Variants in THSD4 observed in about 807,000 individuals in gnomAD.
The protein encoded by THSD4 is thrombospondin type 1 domain containing 4.
In THSD4, 69 loss-of-function variants were observed where a neutral mutation model predicts 119.0. The observed-to-expected ratio is 0.58, with a 90% CI of 0.48 to 0.71. The LOEUF is 0.71. Among genes scored for constraint, THSD4 ranks in the 30% least tolerant of loss-of-function variants. The pLI, the probability that THSD4 is intolerant of heterozygous loss-of-function variation, is 0.00. For missense variants in THSD4, 1,393 were observed against 1,391.1 expected (o/e 1.00, Z -0.02); for synonymous variants, 524 against 540.4 (o/e 0.97, Z 0.42).
At chr15:71,648,243 G>A (rs1316360119) in intron 7 of THSD4, among the ~76,000 whole-genome samples, 12 of 152,186 alleles carry the variant, frequency 7.9e-5, no homozygotes, top group South Asian at 6.2e-4. Context: ...AAGGTGCCAA[G>A]CACATGGTGA....
intron 6 of THSD4, among the ~76,000 whole-genome samples, chr15:71,337,259 T>C (rs557225304): frequency 1.3e-5 from 2 of 152,082 alleles, no homozygotes; most frequent in East Asian, 3.9e-4. Flanking sequence ...GGGTCTAGAG[T>C]GGCCCCACCT....
intron 6 of THSD4, among the ~76,000 whole-genome samples, chr15:71,292,160 G>A (rs1217038739): frequency 6.6e-6 from 1 of 152,214 alleles, no homozygotes; most frequent in Non-Finnish European, 1.5e-5. Context: ...CATTCTGCTT[G>A]TGGTAAGACC....
chr15:71,645,595 C>T (rs2050953164), intron 7 of THSD4, among the ~76,000 whole-genome samples: 1 of 152,146 alleles, frequency 6.6e-6, no homozygotes, highest in Admixed American at 6.6e-5. Context: ...AATCGAAGAA[C>T]ATTCTGGAGG....
At chr15:71,554,649 G>C (rs1421824991) in intron 7 of THSD4, among the ~76,000 whole-genome samples, 1 of 151,888 alleles carries the variant, frequency 6.6e-6, no homozygotes, top group Non-Finnish European at 1.5e-5. Context: ...TCCCACCTCA[G>C]ACTCCCCAAC....
intron 8 of THSD4, among the ~76,000 whole-genome samples, chr15:71,697,725 A>C (rs1328817039): frequency 6.6e-6 from 1 of 152,206 alleles, no homozygotes; most frequent in Non-Finnish European, 1.5e-5. Context: ...GGATTTTGAA[A>C]ATTTATGGTG....
At chr15:71,110,722 C>T (rs1283733306), upstream of THSD4, 2 of 180,946 alleles carry the variant, frequency 1.1e-5, no homozygotes, top group African/African-American at 4.7e-5. Context: ...TGGAGAGTCC[C>T]CTGCCTTCCT....
chr15:71,560,004 C>G (rs910135659), intron 7 of THSD4, among the ~76,000 whole-genome samples: 1 of 151,850 alleles, frequency 6.6e-6, no homozygotes, highest in Admixed American at 6.6e-5. Flanking sequence ...TTTTTTCCTC[C>G]CTATTGTCTT....
At chr15:71,331,868 C>T (rs1445921543) in intron 6 of THSD4, among the ~76,000 whole-genome samples, 1 of 146,582 alleles carries the variant, frequency 6.8e-6, no homozygotes, top group African/African-American at 2.5e-5. Context: ...TGAACTTCAG[C>T]TTTTTCATCT....
chr15:71,252,241 A>G (rs2044267061), intron 5 of THSD4, among the ~76,000 whole-genome samples: 1 of 152,208 alleles, frequency 6.6e-6, no homozygotes, highest in Non-Finnish European at 1.5e-5. Context: ...TGTACAGACA[A>G]TTACTGATAA....
At chr15:71,141,215 A>G (rs1185228175) in intron 1 of THSD4, among the ~76,000 whole-genome samples, 1 of 152,188 alleles carries the variant, frequency 6.6e-6, no homozygotes. Context: ...GATCGTTCTG[A>G]TAGTAATTTA....
At chr15:71,306,545 G>C (rs553864975) in intron 6 of THSD4, among the ~76,000 whole-genome samples, 1 of 152,064 alleles carries the variant, frequency 6.6e-6, no homozygotes, top group Non-Finnish European at 1.5e-5. Context: ...ATGAAAAAAG[G>C]GTTTGGAAAG....
At chr15:71,244,407 G>A (rs1433048418) in intron 5 of THSD4, among the ~76,000 whole-genome samples, 3 of 152,098 alleles carry the variant, frequency 2.0e-5, no homozygotes, top group African/African-American at 7.2e-5. Flanking sequence ...TTCTATATTA[G>A]CTTCAATTTC....
intron 7 of THSD4, among the ~76,000 whole-genome samples, chr15:71,600,184 C>T (rs778792836): frequency 2.0e-5 from 3 of 152,170 alleles, no homozygotes; most frequent in Non-Finnish European, 4.4e-5. Context: ...CTGTGCAAGA[C>T]TTACTCACTC....
intron 7 of THSD4, among the ~76,000 whole-genome samples, chr15:71,496,463 A>G (rs139141769): frequency 2.6e-5 from 4 of 152,110 alleles, no homozygotes; most frequent in African/African-American, 7.2e-5. Context: ...TTTTTGTTCT[A>G]TCACTCCCAG....
At chr15:71,159,493 C>G (rs2043229922) in intron 3 of THSD4, among the ~76,000 whole-genome samples, 1 of 151,810 alleles carries the variant, frequency 6.6e-6, no homozygotes, top group Non-Finnish European at 1.5e-5. Context: ...TTGTAGAGCT[C>G]TTTCACCTCC....
chr15:71,454,304 C>T (rs2047307157), intron 7 of THSD4, among the ~76,000 whole-genome samples: 1 of 152,196 alleles, frequency 6.6e-6, no homozygotes. Flanking sequence ...TCTCTTGCAC[C>T]TCTAGGAAAG....
intron 8 of THSD4, among the ~76,000 whole-genome samples, chr15:71,722,521 A>G (rs1013950452): frequency 4.6e-5 from 7 of 152,190 alleles, no homozygotes; most frequent in Non-Finnish European, 1.5e-5. Context: ...CGATATTCCC[A>G]TTAAAAGCAA....
At chr15:71,739,424 G>A (rs11636972) in intron 11 of THSD4, among the ~76,000 whole-genome samples, 106,159 of 152,060 alleles carry the variant, frequency 0.7, 38,255 homozygotes, top group East Asian at 0.92. Context: ...CTGAAAGCAA[G>A]ACATGGCAGT....
At chr15:71,334,248 G>A (rs1039006814) in intron 6 of THSD4, among the ~76,000 whole-genome samples, 2 of 152,126 alleles carry the variant, frequency 1.3e-5, no homozygotes, top group Non-Finnish European at 2.9e-5. Flanking sequence ...TCTTCATGAT[G>A]CATAACATGA....
Sources: allele counts gnomAD v4.1 joint callset (sites outside exome capture counted in the v4.1 genomes callset), GRCh38; gene constraint gnomAD v4.1.1; transcripts MANE v1.5; gene names NCBI Gene and HGNC (gene_info 2026-07-23, HGNC 2026-07-21).